ATP8B4: variants seen among roughly 807,000 people sequenced by gnomAD.
ATP8B4 encodes probable phospholipid-transporting ATPase IM.
Under a neutral mutation model 145.6 loss-of-function variants are expected in ATP8B4, and 133 were observed. The observed-to-expected ratio is 0.91, with a 90% CI of 0.79 to 1.05. The LOEUF (loss-of-function observed/expected upper bound fraction) is 1.05, where lower values mean the gene tolerates loss of function less well. Among genes scored for constraint, ATP8B4 ranks in the 50% least tolerant of loss-of-function variants. The probability of loss-of-function intolerance (pLI) is 0.00; values close to 1 mark genes in which losing one functional copy is unlikely to be tolerated. For missense variants in ATP8B4, 1,458 were observed against 1,425.2 expected, an observed-to-expected ratio of 1.02 and a Z score of -0.37; for synonymous variants, 507 against 492.9, an observed-to-expected ratio of 1.03 and a Z score of -0.38.
chr15:49,949,494 T>A (rs1481667421), intron 14 of ATP8B4, among the ~76,000 whole-genome samples: 1 of 152,094 alleles, frequency 6.6e-6, no homozygotes, highest in South Asian at 2.1e-4. Context: ...TAAAGGAATG[T>A]TTGTGATTTC....
intron 20 of ATP8B4, among the ~76,000 whole-genome samples, chr15:49,905,657 G>A (rs2038531225): frequency 6.6e-6 from 1 of 152,046 alleles, no homozygotes; most frequent in South Asian, 2.1e-4. Flanking sequence ...TGAGCAAGGT[G>A]GCCCCAAGGC....
At chr15:49,945,166 T>A (rs2042462169) in intron 14 of ATP8B4, among the ~76,000 whole-genome samples, 1 of 151,380 alleles carries the variant, frequency 6.6e-6, no homozygotes, top group South Asian at 2.1e-4. Context: ...CTAAAATAAA[T>A]AAAACCATGA....
intron 1 of ATP8B4, among the ~76,000 whole-genome samples, chr15:50,158,347 G>T (rs2044458399): frequency 6.8e-6 from 1 of 148,046 alleles, no homozygotes; most frequent in African/African-American, 2.5e-5. Flanking sequence ...TCTGGGAAGT[G>T]AGGAGCGTCT....
chr15:49,970,199 T>G (rs922036589), intron 13 of ATP8B4, among the ~76,000 whole-genome samples: 1 of 152,162 alleles, frequency 6.6e-6, no homozygotes, highest in Non-Finnish European at 1.5e-5. Context: ...GCATTCCCTT[T>G]GAAAACCAGC....
chr15:50,089,650 G>T (rs573288122), intron 2 of ATP8B4, among the ~76,000 whole-genome samples: 14 of 152,072 alleles, frequency 9.2e-5, no homozygotes, highest in Non-Finnish European at 1.5e-5. Context: ...TGGAGAAACA[G>T]GAACTTTTTT....
At chr15:50,154,343 G>C (rs966569927) in intron 1 of ATP8B4, among the ~76,000 whole-genome samples, 1 of 151,740 alleles carries the variant, frequency 6.6e-6, no homozygotes, top group Non-Finnish European at 1.5e-5. Context: ...GTTCTATCTT[G>C]TTTTTATTTC....
intron 23 of ATP8B4, 100 bp downstream of exon 23, chr15:49,897,192 G>T: frequency 1.8e-6 from 2 of 1,136,450 alleles, no homozygotes; most frequent in Non-Finnish European, 2.5e-6. Context: ...ATTAAAAAAT[G>T]CTCTGAATTT....
chr15:49,981,433 T>G, intron 10 of ATP8B4, 139 bp from the exon 11 acceptor site: 1 of 629,998 alleles, frequency 1.6e-6, no homozygotes, highest in Non-Finnish European at 2.6e-6. Flanking sequence ...CAAGGGCCAT[T>G]AAGTTGTACA....
At chr15:50,036,410 A>T (rs963736044) in intron 6 of ATP8B4, among the ~76,000 whole-genome samples, 40 of 152,170 alleles carry the variant, frequency 2.6e-4, no homozygotes, top group Admixed American at 2.6e-3. Context: ...GCCATGAAGA[A>T]AGCGGCAGGT....
intron 2 of ATP8B4, among the ~76,000 whole-genome samples, chr15:50,090,450 G>A (rs2055533861): frequency 6.6e-6 from 1 of 152,144 alleles, no homozygotes; most frequent in African/African-American, 2.4e-5. Flanking sequence ...GAAGGCAGAG[G>A]CCTCACAAAT....
At chr15:50,100,935 A>T (rs2056316592) in intron 2 of ATP8B4, among the ~76,000 whole-genome samples, 1 of 152,178 alleles carries the variant, frequency 6.6e-6, no homozygotes, top group Admixed American at 6.5e-5. Context: ...ATAAAAAAAC[A>T]ATTATGTACA....
intron 1 of ATP8B4, among the ~76,000 whole-genome samples, chr15:50,129,946 C>CAAAAAAAA (rs59921497): frequency 2.6e-4 from 23 of 88,058 alleles, no homozygotes; most frequent in Non-Finnish European, 3.7e-4. Flanking sequence ...GACTCTGACT[C>CAAAAAAAA]AAAAAAAAAA....
chr15:50,161,900 T>C lies in ATP8B4; in HGVS notation c.-43+20361A>G, dbSNP rs541837163. 2.6e-5 allele frequency among the ~76,000 whole-genome samples: 4 copies of C among 152,352 alleles called. No individual in the cohort carries two copies. The South Asian group carries it at 8.3e-4, about 32-fold the overall frequency. ...CTTAATCATTTTTTAATCTCATTAATGTTCTTTTCTTTCAGATTGAAGAAC... is the reference window on the plus strand; with the variant it reads ...CTTAATCATTTTTTAATCTCATTAACGTTCTTTTCTTTCAGATTGAAGAAC... On this transcript the variant is annotated intron_variant, in intron 1 of 3. Transcript: ENST00000558829.
chr15:49,976,229 G>A (rs2045648176), intron 12 of ATP8B4, among the ~76,000 whole-genome samples: 1 of 151,834 alleles, frequency 6.6e-6, no homozygotes, highest in Non-Finnish European at 1.5e-5. Flanking sequence ...TTTCATATAT[G>A]GTTTACTCTT....
intron 13 of ATP8B4, among the ~76,000 whole-genome samples, chr15:49,965,187 C>A (rs1012453601): frequency 6.6e-6 from 1 of 152,154 alleles, no homozygotes; most frequent in African/African-American, 2.4e-5. Flanking sequence ...TGGAAGACAG[C>A]TGAGGAAACC....
chr15:49,991,244 A>G (rs2047024173), intron 9 of ATP8B4, among the ~76,000 whole-genome samples: 1 of 152,180 alleles, frequency 6.6e-6, no homozygotes, highest in South Asian at 2.1e-4. Context: ...CACACATGCT[A>G]TTCTTTAGAA....
intron 14 of ATP8B4, among the ~76,000 whole-genome samples, chr15:49,953,802 T>C (rs58688343): frequency 0.039 from 5,890 of 152,274 alleles, 153 homozygotes; most frequent in South Asian, 0.086. Flanking sequence ...GTTGGGATGC[T>C]AGACTTTGGT....
chr15:49,921,559 T>C (rs1349775672), intron 17 of ATP8B4, among the ~76,000 whole-genome samples: 2 of 152,238 alleles, frequency 1.3e-5, no homozygotes, highest in Non-Finnish European at 2.9e-5. Context: ...GGTCATTTTA[T>C]GGGCCTCTAC....
rs142828690 is a variant in ATP8B4, at chr15:50,044,388, G to T, written c.300+206C>A. ...TTTCTCATCTATAAAAGGAGAAAGT[G>T]AATCTAGTTACTGAAGCCTTCTTGC... On this transcript the variant is annotated intron_variant, in intron 5 of 27. Transcript: ENST00000284509. 4.3e-3 allele frequency among the ~76,000 whole-genome samples: 658 copies of T among 152,356 alleles called. 8 individuals are homozygous for T. Among genetic ancestry groups the T allele is most frequent in the African/African-American group, 0.015 (636 of 41,586 alleles).
Sources: gnomAD v4.1 joint callset for allele counts (sites outside exome capture counted in the v4.1 genomes callset) on GRCh38, gnomAD v4.1.1 for gene constraint, MANE v1.5 for transcripts, NCBI Gene and HGNC (gene_info 2026-07-23, HGNC 2026-07-21) for gene names.